Variants in EXOC6B observed in about 807,000 individuals in gnomAD.
EXOC6B encodes exocyst complex component 6B.
In EXOC6B, 54 loss-of-function variants were observed where a neutral mutation model predicts 113.5. That is an observed-to-expected ratio of 0.48 (90% CI 0.38 to 0.60). The LOEUF (loss-of-function observed/expected upper bound fraction) is 0.60. EXOC6B is among the 20% of genes least tolerant of loss of function. EXOC6B has a pLI of 0.00. For synonymous variants in EXOC6B, 357 were observed against 339.0 expected (o/e 1.05, Z -0.58); for missense variants, 797 against 977.5 (o/e 0.82, Z 2.46).
intron 18 of EXOC6B, among the ~76,000 whole-genome samples, chr2:72,416,679 T>C (rs754408072): frequency 3.0e-4 from 45 of 152,160 alleles, no homozygotes; most frequent in Non-Finnish European, 6.0e-4. Context: ...TTCTGCCCCA[T>C]AGGAGGTTAT....
chr2:72,528,251 G>A (rs188949816), intron 8 of EXOC6B, among the ~76,000 whole-genome samples: 1 of 152,024 alleles, frequency 6.6e-6, no homozygotes, highest in Admixed American at 6.5e-5. Flanking sequence ...TAAAATGGGA[G>A]GTTAGCTCAA....
chr2:72,314,995 A>G (rs1177093869), intron 20 of EXOC6B, among the ~76,000 whole-genome samples: 1 of 152,196 alleles, frequency 6.6e-6, no homozygotes, highest in East Asian at 1.9e-4. Flanking sequence ...AGAGTATACT[A>G]CAAGATGATA....
chr2:72,610,851 C>T (rs774571000), intron 6 of EXOC6B, among the ~76,000 whole-genome samples: 3 of 152,110 alleles, frequency 2.0e-5, no homozygotes, highest in Non-Finnish European at 4.4e-5. Flanking sequence ...CGGAAAACTC[C>T]GCAGTGAAGA....
At chr2:72,724,977 T>C (rs1192966951) in intron 5 of EXOC6B, among the ~76,000 whole-genome samples, 1 of 152,000 alleles carries the variant, frequency 6.6e-6, no homozygotes, top group East Asian at 1.9e-4. Flanking sequence ...AGTCCCAAAA[T>C]GGTGATGGGA....
intron 6 of EXOC6B, among the ~76,000 whole-genome samples, chr2:72,690,111 C>CCTA (rs1393385136): frequency 6.6e-6 from 1 of 152,166 alleles, no homozygotes; most frequent in Non-Finnish European, 1.5e-5. Flanking sequence ...AAAACACTGA[C>CCTA]CTACTTCCAA....
intron 20 of EXOC6B, among the ~76,000 whole-genome samples, chr2:72,328,296 TAA>T (rs2104855135): frequency 6.6e-6 from 1 of 152,104 alleles, no homozygotes; most frequent in South Asian, 2.1e-4. Context: ...AAACCACAGC[TAA>T]AATGTCTTCT....
chr2:72,805,210 A>C (rs1036463057), intron 1 of EXOC6B, among the ~76,000 whole-genome samples: 2 of 152,238 alleles, frequency 1.3e-5, no homozygotes, highest in Non-Finnish European at 2.9e-5. Context: ...AAATGATGTG[A>C]GAAATAAAAA....
intron 6 of EXOC6B, among the ~76,000 whole-genome samples, chr2:72,715,712 TTA>T (rs1420865761): frequency 1.3e-5 from 2 of 152,132 alleles, no homozygotes; most frequent in Admixed American, 1.3e-4. Flanking sequence ...AAAGGTTTTG[TTA>T]TAGTTATTTT....
At chr2:72,778,265 T>G (rs964270112) in intron 1 of EXOC6B, among the ~76,000 whole-genome samples, 1 of 152,014 alleles carries the variant, frequency 6.6e-6, no homozygotes, top group Non-Finnish European at 1.5e-5. Flanking sequence ...GATCCCAAGA[T>G]AGAAATAGGT....
At chr2:72,742,193 T>A (rs1297564599) in intron 1 of EXOC6B, among the ~76,000 whole-genome samples, 4 of 152,210 alleles carry the variant, frequency 2.6e-5, no homozygotes, top group Non-Finnish European at 4.4e-5. Flanking sequence ...GTATCTACAA[T>A]TCAGTCCCTC....
intron 7 of EXOC6B, among the ~76,000 whole-genome samples, chr2:72,568,550 C>A (rs532984282): frequency 6.6e-6 from 1 of 151,876 alleles, no homozygotes; most frequent in Non-Finnish European, 1.5e-5. Flanking sequence ...CACACACGCA[C>A]GCACGCACAC....
At chr2:72,520,078 CG>C (rs1553433386) in intron 8 of EXOC6B, among the ~76,000 whole-genome samples, 1 of 152,130 alleles carries the variant, frequency 6.6e-6, no homozygotes, top group Non-Finnish European at 1.5e-5. Context: ...TCAGTTAGCA[CG>C]TATCTCCATC....
intron 21 of EXOC6B, among the ~76,000 whole-genome samples, chr2:72,180,653 A>T (rs1678019942): frequency 6.6e-6 from 1 of 152,088 alleles, no homozygotes; most frequent in South Asian, 2.1e-4. Context: ...CGGGCTATAA[A>T]TTGCCCCCAG....
At chr2:72,382,058 G>A (rs760537261) in intron 18 of EXOC6B, among the ~76,000 whole-genome samples, 3 of 152,080 alleles carry the variant, frequency 2.0e-5, no homozygotes, top group Admixed American at 6.6e-5. Flanking sequence ...AACAACAAAG[G>A]AGGTAATTTA....
chr2:72,245,671 C>CA (rs1319324067), intron 20 of EXOC6B, among the ~76,000 whole-genome samples: 1 of 152,044 alleles, frequency 6.6e-6, no homozygotes, highest in African/African-American at 2.4e-5. Context: ...GAAGAAGAGG[C>CA]AGAGCGCAGG....
intron 19 of EXOC6B, among the ~76,000 whole-genome samples, chr2:72,370,974 T>C (rs933054296): frequency 2.0e-5 from 3 of 151,694 alleles, no homozygotes; most frequent in African/African-American, 2.4e-5. Context: ...ATTGTGCACA[T>C]GTACCCTAGA....
At chr2:72,462,114 T>C (rs1373643805) in intron 18 of EXOC6B, 5 of 152,110 alleles carry the variant, frequency 3.3e-5, no homozygotes, top group Admixed American at 3.3e-4. Flanking sequence ...GAATACCATA[T>C]ATATTTGTGC....
chr2:72,512,941 C>A (rs1233332724), intron 11 of EXOC6B, among the ~76,000 whole-genome samples, 191 bp downstream of exon 11: 2 of 151,862 alleles, frequency 1.3e-5, no homozygotes. Context: ...TTGCAAAGGG[C>A]TTCTATAAAA....
intron 11 of EXOC6B, among the ~76,000 whole-genome samples, chr2:72,501,217 T>G (rs758303197): frequency 6.6e-6 from 1 of 152,154 alleles, no homozygotes; most frequent in Non-Finnish European, 1.5e-5. Context: ...GTGTCAAAGG[T>G]AGCACCTAGT....
Sources: gnomAD v4.1 joint callset for allele counts (sites outside exome capture counted in the v4.1 genomes callset) on GRCh38, gnomAD v4.1.1 for gene constraint, MANE v1.5 for transcripts, NCBI Gene and HGNC (gene_info 2026-07-23, HGNC 2026-07-21) for gene names.